The following RPL9 variants were observed in gnomAD, a reference collection of about 807,000 sequenced individuals.
The protein encoded by RPL9 is large ribosomal subunit protein uL6.
For synonymous variants in RPL9, 82 were observed against 77.1 expected, an observed-to-expected ratio of 1.06 and a Z score of -0.33; for missense variants, 149 against 236.7, an observed-to-expected ratio of 0.63 and a Z score of 2.43.
chr4:39,455,641 G>A, intron 5 of RPL9, among the ~76,000 whole-genome samples: 1 of 152,110 alleles, frequency 6.6e-6, no homozygotes, highest in Non-Finnish European at 1.5e-5. Flanking sequence ...TGTGGTGGCA[G>A]GCACCTGCAG....
chr4:39,454,682 C>T, intron 6 of RPL9, 33 bp from the exon 7 acceptor site: 3 of 1,559,416 alleles, frequency 1.9e-6, no homozygotes, highest in Non-Finnish European at 2.6e-6. Flanking sequence ...ATTAATACAT[C>T]AGCCTAACCC....
At chr4:39,457,426 T>C (rs945767802) in intron 4 of RPL9, 160 bp downstream of exon 4, 2 of 599,190 alleles carry the variant, frequency 3.3e-6, no homozygotes, top group Admixed American at 2.9e-5. Context: ...CTCAGCTCTA[T>C]CGCTTAAAGA....
chr4:39,458,802 G>A, intron 1 of RPL9, 89 bp downstream of exon 1: 1 of 685,586 alleles, frequency 1.5e-6, no homozygotes, highest in East Asian at 2.8e-5. Context: ...ACAGGACAAG[G>A]TTCCGAGAGT....
At chr4:39,456,319 A>G (rs767762785) in intron 5 of RPL9, 87 bp downstream of exon 5, 1 of 1,463,066 alleles carries the variant, frequency 6.8e-7, no homozygotes, top group Admixed American at 1.7e-5. Flanking sequence ...AACAACAGCC[A>G]ACTAAAGTAT....
chr4:39,458,155 T>A, intron 3 of RPL9, 39 bp downstream of exon 3: 1 of 1,601,142 alleles, frequency 6.2e-7, no homozygotes, highest in Non-Finnish European at 8.6e-7. Context: ...TAAACCACCT[T>A]CCAACGAGCA....
At chr4:39,456,032 C>T (rs1744072544) in intron 5 of RPL9, 1 of 271,402 alleles carries the variant, frequency 3.7e-6, no homozygotes, top group Non-Finnish European at 7.2e-6. Flanking sequence ...TGTTAATTAG[C>T]CTGATTTAGT....
chr4:39,454,771 AG>A, intron 6 of RPL9, 92 bp downstream of exon 6: 1 of 1,479,018 alleles, frequency 6.8e-7, no homozygotes, highest in Non-Finnish European at 9.2e-7. Flanking sequence ...CAATTTAAAA[AG>A]CTAATCAAAT....
intron 4 of RPL9, 49 bp downstream of exon 4, chr4:39,457,537 T>A: frequency 1.4e-6 from 2 of 1,451,736 alleles, no homozygotes; most frequent in East Asian, 4.5e-5. Flanking sequence ...AAGCACAGGT[T>A]TGAGAAACCT....
At chr4:39,454,387 A>G in intron 7 of RPL9, 146 bp downstream of exon 7, 2 of 642,980 alleles carry the variant, frequency 3.1e-6, no homozygotes, top group East Asian at 2.8e-5. Flanking sequence ...TGCCAATTCC[A>G]TCTTTTATTC....
chr4:39,454,605 T>G lies in RPL9; in HGVS notation c.517A>C (p.Arg173=). 1.2e-6 allele frequency: 2 copies of G among 1,613,518 alleles called. No homozygotes were observed. The highest frequency in any genetic ancestry group is 1.7e-6 in the Non-Finnish European group (2 of 1,179,786). ...QATTVKNKDI[R]KFLDGIYVSE... is the part of the protein sequence containing the mutation. ...ACATAGATACCATCCAAAAATTTCC[T>G]GATATCCTTGTTTTTAACTGTTGTG... The change falls in exon 7 of 8, where the codon AGG becomes CGG. Residue 173 remains arginine, a synonymous_variant. Transcript: ENST00000295955.
chr4:39,458,533 A>G (rs1744228106), intron 1 of RPL9, 93 bp from the exon 2 acceptor site: 2 of 1,370,346 alleles, frequency 1.5e-6, no homozygotes, highest in Non-Finnish European at 2.0e-6. Flanking sequence ...GGAGACTGCC[A>G]GGCGGAAGTT....
In RPL9 at chr4:39,458,870, C is replaced by G. The variant is rs2276890; in HGVS notation, c.-2+21G>C. ...TGGTTTCAGATTCCCAGTACCCCCA[C>G]GAGCACAGAAACATCCTTACCTCGC... is the stretch of plus-strand genomic sequence containing the variant. On this transcript the variant is annotated intron_variant, in intron 1 of 7. Transcript: ENST00000295955. The G allele has an allele frequency of 0.33, 228,742 of 698,384 alleles. 39,651 individuals are homozygous for G. The highest frequency in any genetic ancestry group is 0.42 in the South Asian group (28,194 of 66,764). The allele number at this position is 698,384 out of a possible 1,614,324, so 43.3% of individuals were successfully genotyped here. A position where few individuals can be genotyped will look rare whatever the true frequency, so the allele number is the denominator to read the frequency against.
intron 4 of RPL9, 51 bp from the exon 5 acceptor site, chr4:39,456,589 A>G (rs776754520): frequency 8.2e-6 from 13 of 1,582,700 alleles, no homozygotes; most frequent in Non-Finnish European, 7.7e-6. Context: ...AATATTTTTA[A>G]TAGTTTTAAA....
chr4:39,456,198 T>C (rs1455776872), intron 5 of RPL9: 9 of 593,604 alleles, frequency 1.5e-5, no homozygotes, highest in African/African-American at 5.6e-5. Context: ...GTATCAACTT[T>C]CTGAAATTGT....
chr4:39,454,954 G>A lies in RPL9; in HGVS notation c.392-10C>T, dbSNP rs746143137. ...ACTGAACAAGCAACACCTAAAAGGG[G>A]AGAGGGCATTTGCACAGCATCAAAT... On this transcript the variant is annotated splice_polypyrimidine_tract_variant and intron_variant, in intron 5 of 7. Transcript: ENST00000295955. The A allele has an allele frequency of 1.2e-6, 2 of 1,610,104 alleles. No individual in the cohort carries two copies. Among genetic ancestry groups the A allele is most frequent in the African/African-American group, 1.3e-5 (1 of 74,794 alleles).
At chr4:39,455,033 C>A in intron 5 of RPL9, 89 bp from the exon 6 acceptor site, 1 of 1,276,660 alleles carries the variant, frequency 7.8e-7, no homozygotes, top group African/African-American at 1.5e-5. Flanking sequence ...ATGTAAAACT[C>A]CATGCACCAA....
Position 39,458,377 on chromosome 4 carries a change from G to T in RPL9, c.46+17C>A, listed in dbSNP as rs200902025. The T allele has an allele frequency of 3.7e-6, 6 of 1,613,958 alleles. No individual in the cohort carries two copies. The highest frequency in any genetic ancestry group is 5.1e-6 in the Non-Finnish European group (6 of 1,179,798). On this transcript the variant is annotated intron_variant, in intron 2 of 7. Transcript: ENST00000295955. The stretch of plus-strand genomic sequence containing the variant: ...ACGTGCAGTAAAGATGTAAGTAAAA[G>T]ACATCAAGTCTCATACCATTTTCTG...
chr4:39,454,755 T>A, intron 6 of RPL9, 106 bp from the exon 7 acceptor site: 1 of 1,453,370 alleles, frequency 6.9e-7, no homozygotes, highest in Non-Finnish European at 9.4e-7. Flanking sequence ...GACCTTTTTA[T>A]TTTCACAATT....
At chr4:39,454,498 G>C (rs772193750) in intron 7 of RPL9, 35 bp downstream of exon 7, 1 of 1,440,468 alleles carries the variant, frequency 6.9e-7, no homozygotes, top group Non-Finnish European at 9.6e-7. Context: ...TTCAACTAGA[G>C]CAGTAATAAA....
Sources: gnomAD v4.1 joint callset for allele counts (sites outside exome capture counted in the v4.1 genomes callset) on GRCh38, gnomAD v4.1.1 for gene constraint, MANE v1.5 for transcripts, NCBI Gene and HGNC (gene_info 2026-07-23, HGNC 2026-07-21) for gene names.